ARHGAP6: variants seen among roughly 807,000 people sequenced by gnomAD.
ARHGAP6 encodes the protein Rho GTPase activating protein 6, also known as rho GTPase-activating protein 6.
In ARHGAP6, 16 loss-of-function variants were observed where a neutral mutation model predicts 55.7. The observed-to-expected ratio is 0.29, with a 90% CI of 0.19 to 0.44. The LOEUF (loss-of-function observed/expected upper bound fraction) is 0.44, where lower values mean the gene tolerates loss of function less well. Ranked by LOEUF, ARHGAP6 falls within the 20% of genes least tolerant of loss-of-function variation. The pLI is 1.00. For synonymous variants in ARHGAP6, 382 were observed against 360.9 expected (o/e 1.06, Z -0.66); for missense variants, 698 against 808.9 (o/e 0.86, Z 1.66).
intron 2 of ARHGAP6, among the ~76,000 whole-genome samples, chrX:11,215,042 G>C (rs5978428): frequency 0.18 from 20,122 of 112,856 alleles, 1,433 homozygotes; most frequent in Middle Eastern, 0.26. Flanking sequence ...CCAGGGCTGA[G>C]AGCTGGAGCT....
intron 8 of ARHGAP6, among the ~76,000 whole-genome samples, chrX:11,174,094 T>C (rs2046133548): frequency 8.9e-6 from 1 of 112,237 alleles, no homozygotes; most frequent in Admixed American, 9.4e-5. Context: ...CCATATTCTC[T>C]ACCTGCTCAT....
At chrX:11,273,261 A>G (rs752095611) in intron 1 of ARHGAP6, among the ~76,000 whole-genome samples, 1 of 111,350 alleles carries the variant, frequency 9.0e-6, no homozygotes, top group Admixed American at 9.5e-5. Flanking sequence ...ACAGTTACAA[A>G]AAAATCAATT....
intron 1 of ARHGAP6, among the ~76,000 whole-genome samples, chrX:11,483,466 T>C (rs1421975859): frequency 1.8e-5 from 2 of 111,024 alleles, no homozygotes; most frequent in African/African-American, 3.3e-5. Context: ...ATGACCTCTT[T>C]TCTATCCTTT....
intron 6 of ARHGAP6, among the ~76,000 whole-genome samples, chrX:11,180,014 GA>G (rs1304245619): frequency 2.8e-5 from 3 of 107,898 alleles, no homozygotes; most frequent in Non-Finnish European, 5.7e-5. Context: ...AAAGCAAAGA[GA>G]TTTTTTTTTT....
chrX:11,277,767 T>C (rs1351166511), intron 1 of ARHGAP6, among the ~76,000 whole-genome samples: 1 of 110,836 alleles, frequency 9.0e-6, no homozygotes. Context: ...ACTAATTTAA[T>C]CATTTATGTT....
chrX:11,361,195 A>T (rs1432937621), intron 1 of ARHGAP6, among the ~76,000 whole-genome samples: 17 of 108,772 alleles, frequency 1.6e-4, no homozygotes, highest in Admixed American at 1.1e-3. Flanking sequence ...CGCATCGCCA[A>T]GTCAATCCTA....
At chrX:11,273,156 G>A (rs1050055179) in intron 1 of ARHGAP6, among the ~76,000 whole-genome samples, 5 of 110,212 alleles carry the variant, frequency 4.5e-5, no homozygotes, top group Non-Finnish European at 7.6e-5. Context: ...AGCAAATAGC[G>A]GGGCCAACTT....
Position 11,323,086 on chromosome X carries a change from G to A in ARHGAP6, c.589-68379C>T, listed in dbSNP as rs777873428. The stretch of plus-strand genomic sequence containing the variant: ...GTGAATGGTTTGTAACAATTATTCA[G>A]GAATGAGCTGGAAAAACTTCTCCCT... On this transcript the variant is annotated intron_variant, in intron 1 of 12. Transcript: ENST00000337414. 2.7e-5 allele frequency among the ~76,000 whole-genome samples: 3 copies of A among 112,037 alleles called. No homozygotes were observed. In the South Asian group the frequency reaches 1.1e-3, roughly 42 times the overall value.
At chrX:11,259,449 C>A (rs2047531047) in intron 1 of ARHGAP6, among the ~76,000 whole-genome samples, 1 of 112,009 alleles carries the variant, frequency 8.9e-6, no homozygotes, top group African/African-American at 3.2e-5. Context: ...GAGCTCAAGG[C>A]TTGAATAGAT....
At chrX:11,389,045 C>A (rs1400315522) in intron 1 of ARHGAP6, among the ~76,000 whole-genome samples, 6 of 111,412 alleles carry the variant, frequency 5.4e-5, no homozygotes, top group South Asian at 7.5e-4. Context: ...AGTTTTGCAC[C>A]CTTAGGGGAC....
intron 9 of ARHGAP6, among the ~76,000 whole-genome samples, chrX:11,165,728 A>G: frequency 9.0e-6 from 1 of 111,530 alleles, no homozygotes. Context: ...TGGTCTTTCT[A>G]CCATACCAGT....
chrX:11,628,496 C>A (rs922325118), intron 1 of ARHGAP6, among the ~76,000 whole-genome samples: 14 of 112,677 alleles, frequency 1.2e-4, no homozygotes, highest in Admixed American at 4.7e-4. Context: ...ACAAAGCTTT[C>A]TTTTAAAACA....
chrX:11,646,267 T>C (rs1008878723), intron 1 of ARHGAP6, among the ~76,000 whole-genome samples: 2 of 110,829 alleles, frequency 1.8e-5, no homozygotes, highest in East Asian at 2.8e-4. Context: ...GGTCTCTCCC[T>C]CCCTCGACAC....
intron 1 of ARHGAP6, among the ~76,000 whole-genome samples, chrX:11,315,843 C>T (rs372599814): frequency 2.6e-4 from 29 of 111,876 alleles, no homozygotes; most frequent in East Asian, 1.4e-3. Context: ...TGATTTTAAC[C>T]AACCTTGTAT....
chrX:11,645,458 G>T (rs2052516963), intron 1 of ARHGAP6, among the ~76,000 whole-genome samples: 2 of 111,489 alleles, frequency 1.8e-5, no homozygotes, highest in African/African-American at 6.5e-5. Flanking sequence ...TGGCTACCAA[G>T]GTTCTCAGCA....
intron 1 of ARHGAP6, among the ~76,000 whole-genome samples, chrX:11,348,712 T>C (rs1422344156): frequency 3.6e-5 from 4 of 112,116 alleles, no homozygotes; most frequent in African/African-American, 1.3e-4. Context: ...TGCAGCAATG[T>C]GATCTTGGCT....
chrX:11,546,215 A>C (rs959473335), intron 1 of ARHGAP6, among the ~76,000 whole-genome samples: 1 of 110,873 alleles, frequency 9.0e-6, no homozygotes, highest in African/African-American at 3.3e-5. Flanking sequence ...TTATACCTAT[A>C]TCCCTAATGC....
intron 1 of ARHGAP6, among the ~76,000 whole-genome samples, chrX:11,640,762 G>C (rs2147186497): frequency 9.0e-6 from 1 of 111,311 alleles, no homozygotes; most frequent in South Asian, 3.8e-4. Context: ...ATTCTGTTCT[G>C]TCTACCTCCA....
chrX:11,660,236 GTC>G (rs1441029625), intron 1 of ARHGAP6, among the ~76,000 whole-genome samples: 1 of 110,886 alleles, frequency 9.0e-6, no homozygotes, highest in Non-Finnish European at 1.9e-5. Flanking sequence ...GCTTTGACCA[GTC>G]TCTCATTTTT....
Sources: allele counts gnomAD v4.1 joint callset (sites outside exome capture counted in the v4.1 genomes callset), GRCh38; gene constraint gnomAD v4.1.1; transcripts MANE v1.5; gene names NCBI Gene and HGNC (gene_info 2026-07-23, HGNC 2026-07-21).